The following CTNNA2 variants were observed in gnomAD, a reference collection of about 807,000 sequenced individuals.
CTNNA2 encodes catenin alpha-2.
CTNNA2 carries 42 observed loss-of-function variants against 101.0 expected under a neutral mutation model. That is an observed-to-expected ratio of 0.42 (90% CI 0.32 to 0.54). The LOEUF (loss-of-function observed/expected upper bound fraction) is 0.54. CTNNA2 is among the 20% of genes least tolerant of loss of function. The pLI, the probability that CTNNA2 is intolerant of heterozygous loss-of-function variation, is 0.14. For missense variants in CTNNA2, 871 were observed against 1,223.1 expected (o/e 0.71, Z 4.29); for synonymous variants, 450 against 456.4 (o/e 0.99, Z 0.18).
At chr2:80,296,866 TA>T (rs900194183) in intron 7 of CTNNA2, among the ~76,000 whole-genome samples, 1 of 152,126 alleles carries the variant, frequency 6.6e-6, no homozygotes, top group Non-Finnish European at 1.5e-5. Flanking sequence ...CACAAACAAG[TA>T]AATGTCTACT....
chr2:80,094,026 A>T (rs1399315968), intron 7 of CTNNA2, among the ~76,000 whole-genome samples: 1 of 151,876 alleles, frequency 6.6e-6, no homozygotes, highest in African/African-American at 2.4e-5. Flanking sequence ...CCCATTTTTC[A>T]ATTTTGGCTT....
chr2:79,986,923 C>G (rs892017038), intron 7 of CTNNA2, among the ~76,000 whole-genome samples: 1 of 152,130 alleles, frequency 6.6e-6, no homozygotes, highest in Non-Finnish European at 1.5e-5. Flanking sequence ...TTGATCTGCC[C>G]TGAGTTTACA....
rs1482940711 is a variant in CTNNA2 at position 80,235,842 on chromosome 2, C to T, written c.1057-157369C>T. 4.6e-5 allele frequency among the ~76,000 whole-genome samples: 7 copies of T among 152,020 alleles called. 1 individual carries two copies. The East Asian group carries it at 5.8e-4, about 13-fold the overall frequency. ...AATTTTTATTTTAAGTTCAGGGGTA[C>T]GTGAGGTTTGTTACATAAGTAAACT... On this transcript the variant is annotated intron_variant, in intron 7 of 18. Coordinates refer to ENST00000402739, the MANE Select transcript of CTNNA2 (RefSeq NM_001282597.3).
At chr2:80,047,073 G>C (rs764063663) in intron 7 of CTNNA2, among the ~76,000 whole-genome samples, 3 of 152,026 alleles carry the variant, frequency 2.0e-5, no homozygotes, top group Non-Finnish European at 4.4e-5. Context: ...ATGTCCCCTG[G>C]GGTAAAATCA....
chr2:79,468,076 A>G (rs540772044), intron 4 of CTNNA2, among the ~76,000 whole-genome samples: 10 of 152,238 alleles, frequency 6.6e-5, no homozygotes, highest in Non-Finnish European at 1.3e-4. Context: ...TAAAAGACAC[A>G]GACTAGCAAA....
chr2:80,459,713 A>C (rs924633393), intron 9 of CTNNA2, among the ~76,000 whole-genome samples: 2 of 152,102 alleles, frequency 1.3e-5, no homozygotes, highest in Non-Finnish European at 2.9e-5. Flanking sequence ...TCCTCCTGCT[A>C]TTCTGTACTT....
At chr2:80,399,185 G>A (rs1678328888) in intron 8 of CTNNA2, among the ~76,000 whole-genome samples, 1 of 151,388 alleles carries the variant, frequency 6.6e-6, no homozygotes. Flanking sequence ...ATCCCTTGAT[G>A]ATGGGTAGTA....
intron 7 of CTNNA2, among the ~76,000 whole-genome samples, chr2:80,319,965 G>C (rs190389420): frequency 1.3e-5 from 2 of 152,262 alleles, no homozygotes; most frequent in Admixed American, 1.3e-4. Flanking sequence ...GCAGATAAGA[G>C]AGGAATGGAA....
chr2:79,764,136 A>G (rs1056560305), intron 3 of CTNNA2, among the ~76,000 whole-genome samples: 2 of 152,222 alleles, frequency 1.3e-5, no homozygotes, highest in Non-Finnish European at 2.9e-5. Context: ...CCTACTCCTC[A>G]GTGGGGAAAG....
At position 79,208,139 on chromosome 2, in the gene CTNNA2, A is replaced by G. The variant is rs190545283; in HGVS notation, c.-406+10063A>G. 1.8e-3 allele frequency among the ~76,000 whole-genome samples: 273 copies of G among 152,226 alleles called. 1 individual carries two copies. The Middle Eastern group carries it at 0.041, about 23-fold the overall frequency. On this transcript the variant is annotated intron_variant, in intron 2 of 21. Coordinates refer to the CTNNA2 transcript ENST00000466387. Reference sequence around the variant, plus strand: ...TTGCCACCTGCCTCTGTAAATCTCCAGGCCACTTTCCTTTTCTTTAAAATG... The same window carrying G: ...TTGCCACCTGCCTCTGTAAATCTCCGGGCCACTTTCCTTTTCTTTAAAATG...
chr2:79,338,953 T>C (rs1677068402), intron 3 of CTNNA2, among the ~76,000 whole-genome samples: 1 of 152,110 alleles, frequency 6.6e-6, no homozygotes, highest in African/African-American at 2.4e-5. Flanking sequence ...AGGTCATGAA[T>C]TGGGCTTTAG....
At chr2:80,435,710 T>C (rs1258118950) in intron 9 of CTNNA2, among the ~76,000 whole-genome samples, 1 of 152,180 alleles carries the variant, frequency 6.6e-6, no homozygotes, top group East Asian at 1.9e-4. Flanking sequence ...GGACCAGTTA[T>C]TAAATGCAAC....
intron 7 of CTNNA2, among the ~76,000 whole-genome samples, chr2:80,033,946 T>C (rs905770146): frequency 8.4e-6 from 1 of 119,254 alleles, no homozygotes; most frequent in Non-Finnish European, 1.8e-5. Context: ...CCAGCATAGA[T>C]TACAAACAAA....
chr2:79,954,536 G>A (rs554925019), intron 7 of CTNNA2, among the ~76,000 whole-genome samples: 74 of 152,170 alleles, frequency 4.9e-4, no homozygotes, highest in African/African-American at 1.4e-3. Flanking sequence ...TGATTGTTAC[G>A]TATAATTTTT....
intron 2 of CTNNA2, among the ~76,000 whole-genome samples, chr2:79,294,985 G>T (rs144796035): frequency 8.0e-6 from 1 of 124,990 alleles, no homozygotes; most frequent in Non-Finnish European, 1.7e-5. Context: ...TTGCACTTGT[G>T]TGTGAGTTCA....
intron 2 of CTNNA2, among the ~76,000 whole-genome samples, chr2:79,311,084 A>C (rs1028748998): frequency 9.2e-5 from 14 of 152,210 alleles, no homozygotes; most frequent in African/African-American, 3.1e-4. Context: ...TCTAGTCACC[A>C]GTGCCTTAAG....
At chr2:80,310,251 T>C (rs567771187) in intron 7 of CTNNA2, among the ~76,000 whole-genome samples, 3 of 152,286 alleles carry the variant, frequency 2.0e-5, no homozygotes, top group African/African-American at 7.2e-5. Flanking sequence ...TCTCTCCTAT[T>C]AGATTTTAAA....
At chr2:80,341,626 A>G (rs1206958884) in intron 7 of CTNNA2, among the ~76,000 whole-genome samples, 1 of 152,204 alleles carries the variant, frequency 6.6e-6, no homozygotes, top group East Asian at 1.9e-4. Context: ...AGTGTGGGAG[A>G]GGATATGGAG....
intron 1 of CTNNA2, among the ~76,000 whole-genome samples, chr2:79,549,218 C>G (rs891513): frequency 0.18 from 26,636 of 152,124 alleles, 2,543 homozygotes; most frequent in Middle Eastern, 0.34. Context: ...TGGCCATAGA[C>G]TGTTTTTTCA....
Sources: gnomAD v4.1 joint callset for allele counts (sites outside exome capture counted in the v4.1 genomes callset) on GRCh38, gnomAD v4.1.1 for gene constraint, MANE v1.5 for transcripts, NCBI Gene and HGNC (gene_info 2026-07-23, HGNC 2026-07-21) for gene names.